Variants in ABTB3 observed in about 807,000 individuals in gnomAD.
ABTB3 encodes the protein ankyrin repeat- and BTB/POZ domain-containing protein 3.
chr12:107,511,389 A>C, the ABTB3 span, among the ~76,000 whole-genome samples: 3 of 152,224 alleles, frequency 2.0e-5, no homozygotes, highest in African/African-American at 7.2e-5. Flanking sequence ...TCTGTAGGTC[A>C]GCTGGGTGCT....
chr12:107,412,260 A>G, the ABTB3 span, among the ~76,000 whole-genome samples: 661 of 152,256 alleles, frequency 4.3e-3, 3 homozygotes, highest in African/African-American at 0.015. Flanking sequence ...AATGCTTCCC[A>G]TCTTGCAGAT....
At chr12:107,578,014 A>G in the ABTB3 span, among the ~76,000 whole-genome samples, 1 of 152,216 alleles carries the variant, frequency 6.6e-6, no homozygotes, top group South Asian at 2.1e-4. Context: ...TCTTAAAAAA[A>G]AAAAGTATAA....
At chr12:107,603,120 A>G in the ABTB3 span, among the ~76,000 whole-genome samples, 1 of 152,230 alleles carries the variant, frequency 6.6e-6, no homozygotes, top group Non-Finnish European at 1.5e-5. Flanking sequence ...TCAAGAGGGC[A>G]CACTTATTTG....
At chr12:107,347,616 G>A in the ABTB3 span, among the ~76,000 whole-genome samples, 15 of 152,234 alleles carry the variant, frequency 9.9e-5, no homozygotes, top group East Asian at 1.9e-4. Context: ...GGTAATGGCT[G>A]TTTTTACATG....
At chr12:107,580,362 C>T in the ABTB3 span, among the ~76,000 whole-genome samples, 3 of 152,222 alleles carry the variant, frequency 2.0e-5, no homozygotes, top group Non-Finnish European at 4.4e-5. Flanking sequence ...GGCACAAATG[C>T]GTTGCACTTA....
At chr12:107,540,826 A>G in the ABTB3 span, among the ~76,000 whole-genome samples, 3 of 152,020 alleles carry the variant, frequency 2.0e-5, no homozygotes, top group Non-Finnish European at 2.9e-5. Flanking sequence ...TCCACTACAA[A>G]AAATTAAAAA....
chr12:107,510,215 C>A, the ABTB3 span, among the ~76,000 whole-genome samples: 3 of 151,988 alleles, frequency 2.0e-5, no homozygotes, highest in Admixed American at 6.6e-5. Flanking sequence ...GGTGCCAGGA[C>A]CCCCCCACCC....
chr12:107,651,490 C>A, the ABTB3 span, among the ~76,000 whole-genome samples: 1 of 152,092 alleles, frequency 6.6e-6, no homozygotes, highest in Non-Finnish European at 1.5e-5. Flanking sequence ...CGTCTTCCCC[C>A]ACAGTGGAAT....
chr12:107,492,014 A>G, the ABTB3 span, among the ~76,000 whole-genome samples: 1 of 151,988 alleles, frequency 6.6e-6, no homozygotes, highest in Non-Finnish European at 1.5e-5. Context: ...GGAGATGGCT[A>G]GGGCTTTTAA....
chr12:107,456,995 G>T, the ABTB3 span, among the ~76,000 whole-genome samples: 6 of 152,094 alleles, frequency 3.9e-5, no homozygotes, highest in Non-Finnish European at 8.8e-5. Flanking sequence ...AAGTAGCTGG[G>T]ACTGCAGGCA....
At chr12:107,524,060 G>A in the ABTB3 span, among the ~76,000 whole-genome samples, 8 of 152,186 alleles carry the variant, frequency 5.3e-5, no homozygotes, top group Non-Finnish European at 8.8e-5. Flanking sequence ...CTTCACCTAA[G>A]AGGCAGCCTG....
chr12:107,341,373 C>G, the ABTB3 span, among the ~76,000 whole-genome samples: 1 of 152,148 alleles, frequency 6.6e-6, no homozygotes, highest in South Asian at 2.1e-4. Context: ...GAGAATGCCA[C>G]TGCCCCAACC....
the ABTB3 span, among the ~76,000 whole-genome samples, chr12:107,375,004 T>G: frequency 2.2e-4 from 34 of 152,270 alleles, no homozygotes; most frequent in South Asian, 7.1e-3. Context: ...GGTTAAGTCT[T>G]TTTGGCTTCC....
the ABTB3 span, chr12:107,319,986 A>G: frequency 3.8e-6 from 6 of 1,583,048 alleles, no homozygotes; most frequent in Non-Finnish European, 5.2e-6. Flanking sequence ...TTCACCGTGG[A>G]GACCCTGGAG....
the ABTB3 span, among the ~76,000 whole-genome samples, chr12:107,408,751 C>T: frequency 6.6e-6 from 1 of 152,210 alleles, no homozygotes; most frequent in Admixed American, 6.5e-5. Context: ...GGCTCAGAGT[C>T]AGGCAGTCTG....
At chr12:107,581,042 G>A in the ABTB3 span, 1 of 1,550,640 alleles carries the variant, frequency 6.4e-7, no homozygotes, top group Non-Finnish European at 8.7e-7. Flanking sequence ...TGTGGGCTGG[G>A]GAGTCGGGAG....
At chr12:107,649,361 G>T in the ABTB3 span, 1 of 1,251,358 alleles carries the variant, frequency 8.0e-7, no homozygotes, top group Non-Finnish European at 1.2e-6. Flanking sequence ...CTGCATGGAA[G>T]TGTCTGGAAG....
chr12:107,422,399 A>G, the ABTB3 span, among the ~76,000 whole-genome samples: 2 of 152,180 alleles, frequency 1.3e-5, no homozygotes, highest in Non-Finnish European at 2.9e-5. Flanking sequence ...ATTTTATCCA[A>G]AATGGAATGG....
chr12:107,485,854 T>A, the ABTB3 span, among the ~76,000 whole-genome samples: 1 of 152,208 alleles, frequency 6.6e-6, no homozygotes, highest in Non-Finnish European at 1.5e-5. Context: ...CTCTTAAATG[T>A]TTCTCCCAGT....
Sources: allele counts gnomAD v4.1 joint callset (sites outside exome capture counted in the v4.1 genomes callset), GRCh38; gene constraint gnomAD v4.1.1; transcripts MANE v1.5; gene names NCBI Gene and HGNC (gene_info 2026-07-23, HGNC 2026-07-21).